Variants in PRKAG2 observed in about 807,000 individuals in gnomAD.
PRKAG2 encodes protein kinase AMP-activated non-catalytic subunit gamma 2.
Under a neutral mutation model 69.6 loss-of-function variants are expected in PRKAG2, and 26 were observed. The observed-to-expected ratio is 0.37, with a 90% CI of 0.27 to 0.52. The LOEUF (loss-of-function observed/expected upper bound fraction) is 0.52. Among genes scored for constraint, PRKAG2 ranks in the 20% least tolerant of loss-of-function variants. PRKAG2 has a pLI of 0.90. For missense variants in PRKAG2, 557 were observed against 740.0 expected, an observed-to-expected ratio of 0.75 and a Z score of 2.87; for synonymous variants, 293 against 285.0, an observed-to-expected ratio of 1.03 and a Z score of -0.28.
At chr7:151,561,909 G>A (rs1805055577) in intron 14 of PRKAG2, among the ~76,000 whole-genome samples, 1 of 147,812 alleles carries the variant, frequency 6.8e-6, no homozygotes, top group Admixed American at 6.8e-5. Flanking sequence ...CTCCAGCCTG[G>A]GCGACAGAGC....
intron 6 of PRKAG2, among the ~76,000 whole-genome samples, chr7:151,592,372 T>G (rs58212222): frequency 1.3e-5 from 2 of 152,170 alleles, no homozygotes; most frequent in African/African-American, 2.4e-5. Flanking sequence ...CCAGGGTGAT[T>G]CCAGTATTAA....
intron 3 of PRKAG2, among the ~76,000 whole-genome samples, chr7:151,695,239 C>G (rs190030706): frequency 6.6e-6 from 1 of 152,226 alleles, no homozygotes; most frequent in Non-Finnish European, 1.5e-5. Flanking sequence ...ACCTGTTTCT[C>G]TAAGTCATGG....
At chr7:151,641,559 T>G (rs1381223324) in intron 4 of PRKAG2, among the ~76,000 whole-genome samples, 1 of 150,480 alleles carries the variant, frequency 6.6e-6, no homozygotes, top group East Asian at 2.0e-4. Flanking sequence ...TTTCTTTCTT[T>G]TTTAAGAGAC....
intron 15 of PRKAG2, chr7:151,559,126 C>T (rs79133627): frequency 0.074 from 72,770 of 985,204 alleles, 2,985 homozygotes; most frequent in East Asian, 0.15. Context: ...GCAGTTATGC[C>T]TGCCTGGAAA....
At chr7:151,824,066 G>T (rs534244897) in intron 1 of PRKAG2, among the ~76,000 whole-genome samples, 1 of 152,262 alleles carries the variant, frequency 6.6e-6, no homozygotes, top group South Asian at 2.1e-4. Flanking sequence ...CCTCTGAGAA[G>T]GGAACTGTGA....
intron 4 of PRKAG2, among the ~76,000 whole-genome samples, chr7:151,669,679 C>A (rs1175756212): frequency 2.6e-5 from 4 of 152,164 alleles, no homozygotes; most frequent in African/African-American, 7.2e-5. Context: ...GCCCTTTGGG[C>A]ACCTCGACTT....
At chr7:151,827,711 T>G (rs1044763760) in intron 1 of PRKAG2, among the ~76,000 whole-genome samples, 1 of 114,576 alleles carries the variant, frequency 8.7e-6, no homozygotes, top group East Asian at 2.9e-4. Context: ...TCCAAACACA[T>G]ATTCCAGTAG....
chr7:151,570,267 G>A lies in PRKAG2; in HGVS notation c.1052-42C>T, dbSNP rs2302531. 189,470 of 1,577,214 alleles carry A rather than the reference G, an allele frequency of 0.12. 13,342 individuals carry two copies. The highest frequency in any genetic ancestry group is 0.28 in the East Asian group (12,211 of 44,250). ...AAAATATGCAGTTAGTAACACATTTGCTGTTTGCAGTTATAACACAAATTC... is the reference window on the plus strand; with the variant it reads ...AAAATATGCAGTTAGTAACACATTTACTGTTTGCAGTTATAACACAAATTC... On this transcript the variant is annotated intron_variant, in intron 9 of 15. Transcript: ENST00000287878.
At position 151,661,666 on chromosome 7, in the gene PRKAG2, C is replaced by A. The variant is rs779328188; in HGVS notation, c.684+13754G>T. Among the ~76,000 whole-genome samples, 15 of 152,304 alleles carry A rather than the reference C, an allele frequency of 9.8e-5. No individual in the cohort carries two copies. The South Asian group carries it at 1.4e-3, about 15-fold the overall frequency. ...AATAATAATGCTTTAGAGTCCTGCA[C>A]GAAGCCTCCAAAAGAGTGGAAAAAA... On this transcript the variant is annotated intron_variant, in intron 4 of 15. Transcript: ENST00000287878.
chr7:151,742,460 C>T (rs2073960962), intron 3 of PRKAG2, among the ~76,000 whole-genome samples: 2 of 152,064 alleles, frequency 1.3e-5, no homozygotes, highest in South Asian at 2.1e-4. Flanking sequence ...CCCGTCTCTA[C>T]CAAAAATACA....
rs145006140 is a variant in PRKAG2 at position 151,675,547 on chromosome 7, C to T, written c.557G>A (p.Arg186Gln). 2.8e-5 allele frequency: 45 copies of T among 1,614,110 alleles called. No individual in the cohort carries two copies. The highest frequency in any genetic ancestry group is 3.3e-4 in the Middle Eastern group (2 of 6,062). ...PLESYKHEPE[R>Q]LENRIYASSS... Reference sequence around the variant, plus strand: ...CGAGGCATAGATGCGATTCTCTAACCGTTCAGGCTCGTGCTTATAGGATTC... The same window carrying T: ...CGAGGCATAGATGCGATTCTCTAACTGTTCAGGCTCGTGCTTATAGGATTC... Residue 186 changes from arginine to glutamine, a missense_variant, in exon 4 of 16, where the codon CGG becomes CAG. Arg to Gln is a conservative substitution (Grantham distance 43). Coordinates refer to ENST00000287878, the MANE Select transcript of PRKAG2 (RefSeq NM_016203.4).
intron 15 of PRKAG2, 171 bp from the exon 16 acceptor site, chr7:151,557,403 C>T (rs930608034): frequency 2.0e-6 from 2 of 985,160 alleles, no homozygotes; most frequent in African/African-American, 1.7e-5. Flanking sequence ...CCCACCCAAT[C>T]GTTCGGGCAG....
At position 151,688,049 on chromosome 7, in the gene PRKAG2, C is replaced by CCG. The variant is rs1554539901; in HGVS notation, c.467-12413_467-12412insCG. On this transcript the variant is annotated intron_variant, in intron 3 of 15. Transcript: ENST00000287878. Reference sequence around the variant, plus strand: ...GGAGGAGGAGGAAATGAGGCCCCCCCCCGGGCTCCTTGCTGAGTCAGCATG... The same window carrying CCG: ...GGAGGAGGAGGAAATGAGGCCCCCCCCGCCGGGCTCCTTGCTGAGTCAGCATG... Among the ~76,000 whole-genome samples the CCG allele has an allele frequency of 7.6e-5, 11 of 144,402 alleles. 1 individual carries two copies. The highest frequency in any genetic ancestry group is 2.5e-4 in the African/African-American group (10 of 39,478). The allele number at this position is 144,402 out of a possible 152,430, so 94.7% of individuals were successfully genotyped here.
chr7:151,684,296 C>T (rs2151504269), intron 3 of PRKAG2, among the ~76,000 whole-genome samples: 1 of 152,326 alleles, frequency 6.6e-6, no homozygotes, highest in East Asian at 1.9e-4. Context: ...GTCCTTGTTT[C>T]CTGCCCCCAA....
At chr7:151,687,663 G>A (rs1263633879) in intron 3 of PRKAG2, among the ~76,000 whole-genome samples, 1 of 152,132 alleles carries the variant, frequency 6.6e-6, no homozygotes, top group East Asian at 1.9e-4. Flanking sequence ...GCTCTGAGAG[G>A]TGAAGTGTGT....
chr7:151,697,776 T>C (rs981111601), intron 3 of PRKAG2, among the ~76,000 whole-genome samples: 2 of 151,828 alleles, frequency 1.3e-5, no homozygotes, highest in Non-Finnish European at 2.9e-5. Flanking sequence ...GCCCAGAAAA[T>C]GCCACAGAAA....
At chr7:151,876,455 G>A (rs2080407742) in intron 1 of PRKAG2, 52 bp downstream of exon 1, 2 of 1,539,828 alleles carry the variant, frequency 1.3e-6, no homozygotes, top group East Asian at 2.2e-5. Flanking sequence ...CGGCGCCGGG[G>A]ACGGGAGCGA....
Position 151,632,791 on chromosome 7 carries a change from G to A in PRKAG2, c.685-653C>T, listed in dbSNP as rs1331814675. 6.3e-6 allele frequency: 1 copy of A among 159,434 alleles called. No homozygotes were observed. Among genetic ancestry groups the A allele is most frequent in the Non-Finnish European group, 1.3e-5 (1 of 75,590 alleles). 9.9% of individuals were successfully genotyped at this position (159,434 alleles called of 1,614,324 possible). ...TCCGTGGGCTACACGTATTGTAGAT[G>A]CACTTTGTCGCTATCCATTTTTTTT... On this transcript the variant is annotated intron_variant, in intron 4 of 15. Coordinates refer to ENST00000287878, the MANE Select transcript of PRKAG2 (RefSeq NM_016203.4). The surrounding 1 kb of genome is among the most constrained non-coding windows in gnomAD (Gnocchi z 4.2).
At chr7:151,797,765 T>C (rs10253833) in intron 1 of PRKAG2, among the ~76,000 whole-genome samples, 151,423 of 152,350 alleles carry the variant, frequency 0.99, 75,251 homozygotes, top group East Asian at 1. Flanking sequence ...CCAAGCATAG[T>C]GAATAGAGGA....
Sources: allele counts gnomAD v4.1 joint callset (sites outside exome capture counted in the v4.1 genomes callset), GRCh38; gene constraint gnomAD v4.1.1; non-coding constraint Gnocchi (gnomAD v3.1); transcripts MANE v1.5; gene names NCBI Gene and HGNC (gene_info 2026-07-23, HGNC 2026-07-21).